CFAP410: variants seen among roughly 807,000 people sequenced by gnomAD.
CFAP410 encodes cilia- and flagella-associated protein 410.
In CFAP410, 27 loss-of-function variants were observed where a neutral mutation model predicts 25.7. The observed-to-expected ratio is 1.05, with a 90% CI of 0.77 to 1.45. The LOEUF (loss-of-function observed/expected upper bound fraction) is 1.45. CFAP410 is among the 40% of genes most tolerant of loss of function. CFAP410 has a pLI of 0.00. For synonymous variants in CFAP410, 178 were observed against 158.4 expected, an observed-to-expected ratio of 1.12 and a Z score of -0.93; for missense variants, 428 against 354.1, an observed-to-expected ratio of 1.21 and a Z score of -1.67.
chr21:44,339,133 C>A lies in CFAP410; in HGVS notation c.62G>T (p.Arg21Leu). Reference sequence around the variant, plus strand: ...CCCGCCTCACCAGCAGTTGAGCTTGCGCACGCTGTGCAGCTCCGAGGCCTT... The same window carrying A: ...CCCGCCTCACCAGCAGTTGAGCTTGAGCACGCTGTGCAGCTCCGAGGCCTT... Reference protein sequence around the residue: ...RAKASELHSVRKLNCWGSRLT... With the variant: ...RAKASELHSVLKLNCWGSRLT... The change falls in exon 1 of 7, where the codon CGC (arginine) becomes CTC (leucine). Residue 21 changes from arginine (R) to leucine (L), a missense_variant. Arg to Leu is a moderately radical substitution (Grantham distance 102, BLOSUM62 -2). Transcript: ENST00000339818. 6.8e-7 allele frequency: 1 copy of A among 1,461,966 alleles called. No homozygotes were observed. The allele number at this position is 1,461,966 out of a possible 1,614,324, so 90.6% of individuals were successfully genotyped here. A position where few individuals can be genotyped will look rare whatever the true frequency, so the allele number is the denominator to read the frequency against.
rs2047618046 is a variant in CFAP410 at position 44,330,234 on chromosome 21, G to C, written c.735C>G (p.Ala245=). 6.3e-7 allele frequency: 1 copy of C among 1,589,098 alleles called. No individual in the cohort carries two copies. Among genetic ancestry groups the C allele is most frequent in the South Asian group, 1.1e-5 (1 of 88,070 alleles). ...VQQTVGSRLQ[A]LRGEEVQEHA... ...GCTCCTGCACCTCTTCCCCACGCAG[G>C]GCCTGCAGCCGGCTGCCCACAGTCT... The change falls in exon 7 of 7, where the codon GCC becomes GCG. Residue 245 remains alanine (A), a synonymous_variant. Coordinates refer to ENST00000339818, the MANE Select transcript of CFAP410 (RefSeq NM_004928.3).
In CFAP410 at chr21:44,339,373, C is replaced by A. The variant is rs190832779; in HGVS notation, c.-179G>T. 366 of 423,094 alleles carry A rather than the reference C, an allele frequency of 8.7e-4. 1 individual carries two copies. The highest frequency in any genetic ancestry group is 7.3e-3 in the African/African-American group (352 of 48,210). The allele number at this position is 423,094 out of a possible 1,614,324, so 26.2% of individuals were successfully genotyped here. A position where few individuals can be genotyped will look rare whatever the true frequency, so the allele number is the denominator to read the frequency against. ...GAGCCCGCTGGGGCCGCTTGGGCGC[C>A]GCTGACACGTTGGCTCTGCTCCTGC... On this transcript the variant is annotated 5_prime_UTR_variant, in exon 1 of 7. Transcript: ENST00000339818.
intron 5 of CFAP410, 23 bp downstream of exon 5, chr21:44,331,820 T>C (rs1602075772): frequency 6.2e-7 from 1 of 1,602,406 alleles, no homozygotes. Flanking sequence ...GGCTGCGGAG[T>C]CCCCGCTGCC....
chr21:44,330,511 G>A, intron 6 of CFAP410, 185 bp from the exon 7 acceptor site: 1 of 1,547,014 alleles, frequency 6.5e-7, no homozygotes, highest in East Asian at 2.4e-5. Context: ...GTGGACGCGT[G>A]TGTGGCACCT....
In CFAP410 at chr21:44,330,285, A is replaced by G. The variant is rs11552068; in HGVS notation, c.684T>C (p.Asp228=). The change falls in exon 7 of 7, where the codon GAT becomes GAC. Residue 228 remains aspartate (D), a synonymous_variant. Coordinates refer to ENST00000339818, the MANE Select transcript of CFAP410 (RefSeq NM_004928.3). ...TAILLLLREL[D]AEGLEAVQQT... is the part of the protein sequence containing the mutation. ...GCTGCACGGCCTCCAGCCCCTCTGCATCCAGCTCCCGCAGCAGCAGCAGGA... is the reference window on the plus strand; with the variant it reads ...GCTGCACGGCCTCCAGCCCCTCTGCGTCCAGCTCCCGCAGCAGCAGCAGGA... 9.1e-3 allele frequency: 14,721 copies of G among 1,609,542 alleles called. 711 individuals carry two copies. In the African/African-American group the frequency reaches 0.12, roughly 14 times the overall value.
chr21:44,335,670 G>T, intron 3 of CFAP410, 88 bp downstream of exon 3: 1 of 1,029,872 alleles, frequency 9.7e-7, no homozygotes, highest in Non-Finnish European at 1.5e-6. Flanking sequence ...TCCAGGTTAT[G>T]TCACAGTGCT....
intron 3 of CFAP410, chr21:44,334,521 C>CCCCTCAACCTCTGGGCGGGCACGCGCA (rs1568989752): frequency 0.018 from 3,080 of 174,172 alleles, 266 homozygotes; most frequent in East Asian, 0.065. Context: ...ACGCGCACCC[C>CCCCTCAACCTCTGGGCGGGCACGCGCA]CCCCCCCCCC....
intron 4 of CFAP410, 96 bp from the exon 5 acceptor site, chr21:44,332,110 GTC>G (rs999798795): frequency 1.9e-6 from 2 of 1,055,830 alleles, no homozygotes; most frequent in Non-Finnish European, 2.7e-6. Context: ...TTCAGGCACA[GTC>G]TGCTTGTGAA....
chr21:44,339,079 C>A lies in CFAP410; in HGVS notation c.77+39G>T, dbSNP rs571862837. 9.2e-5 allele frequency: 122 copies of A among 1,328,396 alleles called. 2 individuals are homozygous for A. The South Asian group carries it at 1.8e-3, about 19-fold the overall frequency. 82.3% of individuals were successfully genotyped at this position (1,328,396 alleles called of 1,614,324 possible). On this transcript the variant is annotated intron_variant, in intron 1 of 6. Transcript: ENST00000339818. The stretch of plus-strand genomic sequence containing the variant: ...CGCCCTCGCCCCGCCCCGGCTCCTC[C>A]CCCCACCCCGGGGCGGCCGCGGCCA...
At chr21:44,338,175 A>G (rs1332125378) in intron 1 of CFAP410, 11 of 873,726 alleles carry the variant, frequency 1.3e-5, no homozygotes, top group African/African-American at 1.8e-5. Flanking sequence ...ATTGTAGCCA[A>G]AACACCAGAT....
In CFAP410 at chr21:44,329,439, G is replaced by A. The variant is rs138214126; in HGVS notation, c.*759C>T. On this transcript the variant is annotated 3_prime_UTR_variant, in exon 7 of 7. Coordinates refer to ENST00000339818, the MANE Select transcript of CFAP410 (RefSeq NM_004928.3). ...AGGGCCACGGGTCACTGCCCAGATT[G>A]TGGCATCCTCATAAGACTTGCGACT... 7.2e-5 allele frequency: 11 copies of A among 152,330 alleles called. No individual in the cohort carries two copies. The highest frequency in any genetic ancestry group is 2.6e-4 in the African/African-American group (11 of 41,544). The allele number at this position is 152,330 out of a possible 1,614,324, so 9.4% of individuals were successfully genotyped here.
rs1197313970 is a variant in CFAP410, at chr21:44,333,138, G to A, written c.268C>T (p.Arg90Trp). The change falls in exon 4 of 7, where the codon CGG becomes TGG. Residue 90 changes from arginine to tryptophan, a missense_variant. By Grantham distance (101) the Arg-to-Trp change is moderately radical. Transcript: ENST00000339818. ...GGGTTCTCGGCCAGCCACAGCACCC[G>A]CAGACGCGGCAGCCCCTTCAGGTAG... ...LFYLKGLPRL[R>W]VLWLAENPCC... 6.2e-6 allele frequency: 10 copies of A among 1,612,002 alleles called. No homozygotes were observed. The highest frequency in any genetic ancestry group is 2.2e-5 in the East Asian group (1 of 44,864).
intron 6 of CFAP410, 159 bp from the exon 7 acceptor site, chr21:44,330,485 C>T: frequency 6.5e-7 from 1 of 1,538,444 alleles, no homozygotes; most frequent in Non-Finnish European, 8.8e-7. Context: ...AGAATCTGAG[C>T]AGAGGAGCCC....
intron 2 of CFAP410, among the ~76,000 whole-genome samples, chr21:44,336,121 C>A (rs1602087094): frequency 1.3e-5 from 2 of 149,788 alleles, no homozygotes; most frequent in East Asian, 4.0e-4. Flanking sequence ...ATGCCCAGGG[C>A]CTGAGGGGAG....
In CFAP410 at chr21:44,339,108, C is replaced by G; in HGVS notation, c.77+10G>C. On this transcript the variant is annotated intron_variant, in intron 1 of 6. Transcript: ENST00000339818. ...CACCCCGGGGCGGCCGCGGCCAGGC[C>G]CCGCCTCACCAGCAGTTGAGCTTGC... 1.4e-6 allele frequency: 2 copies of G among 1,447,046 alleles called. No individual in the cohort carries two copies. Among genetic ancestry groups the G allele is most frequent in the Non-Finnish European group, 1.8e-6 (2 of 1,092,678 alleles). The allele number at this position is 1,447,046 out of a possible 1,614,324, so 89.6% of individuals were successfully genotyped here. A position where few individuals can be genotyped will look rare whatever the true frequency, so the allele number is the denominator to read the frequency against.
At chr21:44,336,655 G>A (rs1290989004) in intron 2 of CFAP410, among the ~76,000 whole-genome samples, 1 of 152,148 alleles carries the variant, frequency 6.6e-6, no homozygotes, top group Non-Finnish European at 1.5e-5. Flanking sequence ...TGGTACGTTT[G>A]TATATTCACT....
At chr21:44,332,425 A>C (rs1602077713) in intron 4 of CFAP410, 1 of 171,970 alleles carries the variant, frequency 5.8e-6, no homozygotes, top group East Asian at 1.7e-4. Context: ...TATACCTGAC[A>C]AGGATGAGAC....
chr21:44,334,700 A>G (rs1432848341), intron 3 of CFAP410: 3 of 244,402 alleles, frequency 1.2e-5, no homozygotes, highest in Non-Finnish European at 2.5e-5. Flanking sequence ...CAGCCAATAG[A>G]TGGGAGGGCT....
At chr21:44,335,895 G>C in intron 2 of CFAP410, 91 bp from the exon 3 acceptor site, 1 of 993,592 alleles carries the variant, frequency 1.0e-6, no homozygotes, top group Non-Finnish European at 1.6e-6. Flanking sequence ...CGAAGCCACG[G>C]CCAACCCACT....
Sources: allele counts gnomAD v4.1 joint callset (sites outside exome capture counted in the v4.1 genomes callset), GRCh38; gene constraint gnomAD v4.1.1; transcripts MANE v1.5; gene names NCBI Gene and HGNC (gene_info 2026-07-23, HGNC 2026-07-21).